USP6NL: variants seen among roughly 807,000 people sequenced by gnomAD.
USP6NL encodes USP6 N-terminal like.
USP6NL carries 26 observed loss-of-function variants against 61.9 expected under a neutral mutation model. The ratio of observed to expected loss-of-function variants is 0.42; its 90% CI spans 0.31 to 0.58. The LOEUF is 0.58. Among genes scored for constraint, USP6NL ranks in the 20% least tolerant of loss-of-function variants. The probability of loss-of-function intolerance (pLI) is 0.16; values close to 1 mark genes in which losing one functional copy is unlikely to be tolerated. For synonymous variants in USP6NL, 432 were observed against 390.1 expected (o/e 1.11, Z -1.27); for missense variants, 1,114 against 1,034.3 (o/e 1.08, Z -1.06).
intron 2 of USP6NL, among the ~76,000 whole-genome samples, chr10:11,559,157 G>GTAC (rs1305190550): frequency 1.3e-5 from 2 of 152,096 alleles, no homozygotes; most frequent in East Asian, 3.8e-4. Context: ...GTGTACCCAG[G>GTAC]TACTACATAT....
At position 11,540,564 on chromosome 10, in the gene USP6NL, G is replaced by A. The variant is rs141159814; in HGVS notation, c.5-12997C>T. Among the ~76,000 whole-genome samples the A allele has an allele frequency of 4.0e-4, 61 of 152,242 alleles. No individual in the cohort carries two copies. In the East Asian group the frequency reaches 0.011, roughly 27 times the overall value. Reference sequence around the variant, plus strand: ...GTTATATGCACTACAATAAAAGTTTGTGTTGAATTTGGCCCATAGGTATTA... The same window carrying A: ...GTTATATGCACTACAATAAAAGTTTATGTTGAATTTGGCCCATAGGTATTA... On this transcript the variant is annotated intron_variant, in intron 2 of 14. Transcript: ENST00000609104. This position sits in a 1 kb window ranked among gnomAD's most constrained non-coding sequence, Gnocchi z 5.0.
intron 2 of USP6NL, among the ~76,000 whole-genome samples, chr10:11,551,222 C>G (rs1201595874): frequency 6.6e-6 from 1 of 152,134 alleles, no homozygotes; most frequent in Admixed American, 6.5e-5. Context: ...AAATATCCAT[C>G]AATTGGTGAA....
At chr10:11,505,310 T>A (rs184622076) in intron 6 of USP6NL, among the ~76,000 whole-genome samples, 1 of 152,344 alleles carries the variant, frequency 6.6e-6, no homozygotes, top group Admixed American at 6.5e-5. Context: ...TATTATGAGC[T>A]GACACTATGC....
chr10:11,551,452 T>C (rs1436776875), intron 2 of USP6NL, among the ~76,000 whole-genome samples: 1 of 152,264 alleles, frequency 6.6e-6, no homozygotes, highest in East Asian at 1.9e-4. Flanking sequence ...CATTTACCAC[T>C]GTAACCAGTG....
At position 11,485,156 on chromosome 10, in the gene USP6NL, A is replaced by C; in HGVS notation, c.825+13T>G. On this transcript the variant is annotated intron_variant, in intron 12 of 14. Transcript: ENST00000609104. This position sits in a 1 kb window ranked among gnomAD's most constrained non-coding sequence, Gnocchi z 4.8. ...TATAATTTTATGACTGAGTTTTGTA[A>C]ATAAATACTTACACGATCAAGGAAA... 1 of 1,540,676 alleles carries C rather than the reference A, an allele frequency of 6.5e-7. No homozygotes were observed. The highest frequency in any genetic ancestry group is 8.7e-7 in the Non-Finnish European group (1 of 1,144,288).
At chr10:11,534,135 C>T (rs1338686208) in intron 2 of USP6NL, among the ~76,000 whole-genome samples, 1 of 152,066 alleles carries the variant, frequency 6.6e-6, no homozygotes, top group Non-Finnish European at 1.5e-5. Context: ...CAGCAAGAAT[C>T]CTGTTATGTT....
At position 11,562,812 on chromosome 10, in the gene USP6NL, G is replaced by A; in HGVS notation, c.4+34819C>T. 3 of 980,870 alleles carry A rather than the reference G, an allele frequency of 3.1e-6. No individual in the cohort carries two copies. The highest frequency in any genetic ancestry group is 3.6e-6 in the Non-Finnish European group (3 of 825,836). The allele number at this position is 980,870 out of a possible 1,614,324, so 60.8% of individuals were successfully genotyped here. A position where few individuals can be genotyped will look rare whatever the true frequency, so the allele number is the denominator to read the frequency against. On this transcript the variant is annotated intron_variant, in intron 2 of 14. Transcript: ENST00000609104. The surrounding 1 kb of genome is among the most constrained non-coding windows in gnomAD (Gnocchi z 4.8). ...AGTATTCTAGTTTTATTAGGCATTA[G>A]TAAATAAGTTTTAGAAGAATAATAG...
chr10:11,610,911 G>A (rs1409019030), intron 1 of USP6NL, among the ~76,000 whole-genome samples: 2 of 152,126 alleles, frequency 1.3e-5, no homozygotes, highest in East Asian at 1.9e-4. Context: ...CACCAGCCTA[G>A]GGTTGTGAGC....
chr10:11,471,078 G>C (rs571831905), intron 14 of USP6NL, among the ~76,000 whole-genome samples: 2 of 152,308 alleles, frequency 1.3e-5, no homozygotes, highest in African/African-American at 4.8e-5. Context: ...CCAGCTACTT[G>C]AGAGGCTGAG....
At chr10:11,516,095 C>T (rs1475040260) in intron 5 of USP6NL, among the ~76,000 whole-genome samples, 1 of 152,130 alleles carries the variant, frequency 6.6e-6, no homozygotes, top group Non-Finnish European at 1.5e-5. Context: ...CAGTTCTCTA[C>T]AGAGTAAATA....
chr10:11,482,437 A>T lies in USP6NL; in HGVS notation c.926-515T>A, dbSNP rs762978127. Among the ~76,000 whole-genome samples, 1 of 152,272 alleles carries T rather than the reference A, an allele frequency of 6.6e-6. No homozygotes were observed. Among genetic ancestry groups the T allele is most frequent in the Non-Finnish European group, 1.5e-5 (1 of 68,040 alleles). On this transcript the variant is annotated intron_variant, in intron 13 of 14. Transcript: ENST00000609104. This position sits in a 1 kb window ranked among gnomAD's most constrained non-coding sequence, Gnocchi z 4.0. ...ACATTCAAATTAAATATGAACACAA[A>T]GCAGAAAGTAAAAATCTGCTCATTA... is the stretch of plus-strand genomic sequence containing the variant.
At chr10:11,479,563 GTGTTTTTTTTTTTTT>G (rs1261354984) in intron 14 of USP6NL, among the ~76,000 whole-genome samples, 1 of 140,122 alleles carries the variant, frequency 7.1e-6, no homozygotes, top group East Asian at 2.1e-4. Flanking sequence ...GTTCATGTAG[GTGTTTTTTTTTTTTT>G]TGGTTTTTTT....
At chr10:11,556,889 G>A (rs1836727766) in intron 2 of USP6NL, among the ~76,000 whole-genome samples, 1 of 152,142 alleles carries the variant, frequency 6.6e-6, no homozygotes, top group South Asian at 2.1e-4. Context: ...CCAGTCTTTT[G>A]AGTCTATCAA....
At chr10:11,564,617 C>CA (rs915716077) in intron 2 of USP6NL, 3 of 152,178 alleles carry the variant, frequency 2.0e-5, no homozygotes, top group African/African-American at 7.2e-5. Context: ...AGAAAATAAT[C>CA]ATATACACAT....
In USP6NL at chr10:11,501,108, A is replaced by G; in HGVS notation, c.377T>C (p.Leu126Pro). 6.2e-7 allele frequency: 1 copy of G among 1,609,140 alleles called. No individual in the cohort carries two copies. Among genetic ancestry groups the G allele is most frequent in the South Asian group, 1.1e-5 (1 of 89,868 alleles). Residue 126 changes from leucine (L) to proline (P), a missense_variant, in exon 7 of 15, where the codon CTG becomes CCG. By Grantham distance (98) the Leu-to-Pro change is moderately conservative. Transcript: ENST00000609104. Reference sequence around the variant, plus strand: ...TTAGCTTTAGCTACTCACACTATACAGGTCCCTTGTTTCTTCTTTCATTTT... The same window carrying G: ...TTAGCTTTAGCTACTCACACTATACGGGTCCCTTGTTTCTTCTTTCATTTT... ...IPKMKEETRD[L>P]YSKLKHRARG... is the part of the protein sequence containing the mutation.
intron 5 of USP6NL, among the ~76,000 whole-genome samples, chr10:11,512,769 CA>C (rs576048777): frequency 7.4e-4 from 113 of 152,280 alleles, no homozygotes; most frequent in African/African-American, 2.6e-3. Context: ...AGACCTAGGT[CA>C]AATGTCCAAC....
Position 11,463,492 on chromosome 10 carries a change from A to C in USP6NL, c.1436T>G (p.Ile479Ser). 1.9e-6 allele frequency: 3 copies of C among 1,613,890 alleles called. No individual in the cohort carries two copies. The highest frequency in any genetic ancestry group is 8.5e-7 in the Non-Finnish European group (1 of 1,179,866). Residue 479 changes from isoleucine (I) to serine (S), a missense_variant, in exon 15 of 15, where the codon ATC becomes AGC. By Grantham distance (142) the Ile-to-Ser change is moderately radical. Coordinates refer to ENST00000609104, the MANE Select transcript of USP6NL (RefSeq NM_014688.5). This position sits in a 1 kb window ranked among gnomAD's most constrained non-coding sequence, Gnocchi z 6.3. ...CCATTTGGGCACAAACTCCTTCCTG[A>C]TATTTGAAGTGGCGTTGCTATTTTG... ...ANQNSNATSN[I>S]RKEFVPKWNK...
Position 11,596,494 on chromosome 10 carries a change from G to A in USP6NL, c.4+1137C>T, listed in dbSNP as rs577888043. 2.0e-5 allele frequency among the ~76,000 whole-genome samples: 3 copies of A among 151,996 alleles called. No individual in the cohort carries two copies. The highest frequency in any genetic ancestry group is 3.9e-4 in the East Asian group (2 of 5,156). On this transcript the variant is annotated intron_variant, in intron 2 of 14. Transcript: ENST00000609104. The surrounding 1 kb of genome is among the most constrained non-coding windows in gnomAD (Gnocchi z 4.1). ...AAAAAATTAGCTGGGCCTGGTGGCG[G>A]GCGCCTGTAGTCCCAGCTACTCGGG... is the stretch of plus-strand genomic sequence containing the variant.
At chr10:11,522,663 C>A (rs1229452281) in intron 4 of USP6NL, among the ~76,000 whole-genome samples, 1 of 152,118 alleles carries the variant, frequency 6.6e-6, no homozygotes, top group African/African-American at 2.4e-5. Flanking sequence ...AGAATGAGTA[C>A]CAATCTACTT....
Sources: allele counts gnomAD v4.1 joint callset (sites outside exome capture counted in the v4.1 genomes callset), GRCh38; gene constraint gnomAD v4.1.1; non-coding constraint Gnocchi (gnomAD v3.1); transcripts MANE v1.5; gene names NCBI Gene and HGNC (gene_info 2026-07-23, HGNC 2026-07-21).